ICE1: variants seen among roughly 807,000 people sequenced by gnomAD.
ICE1 encodes the protein little elongation complex subunit 1.
A neutral mutation model predicts 192.7 loss-of-function variants in ICE1; 64 were observed. The ratio of observed to expected loss-of-function variants is 0.33; its 90% CI spans 0.27 to 0.41. The LOEUF is 0.41. ICE1 is among the 10% of genes least tolerant of loss of function. The probability of loss-of-function intolerance (pLI) is 1.00; values close to 1 mark genes in which losing one functional copy is unlikely to be tolerated. For missense variants in ICE1, 2,708 were observed against 2,696.0 expected, an observed-to-expected ratio of 1.00 and a Z score of -0.10; for synonymous variants, 1,010 against 984.5, an observed-to-expected ratio of 1.03 and a Z score of -0.49.
chr5:5,442,110 G>A lies in ICE1; in HGVS notation c.309+887G>A, dbSNP rs574287005. ...AGTAAAACAGTTTGTTTAAAATGCT[G>A]TAAACTCCCTTTTCTATGTAAATTG... On this transcript the variant is annotated intron_variant, in intron 5 of 18. Transcript: ENST00000296564. 1.1e-4 allele frequency among the ~76,000 whole-genome samples: 17 copies of A among 152,290 alleles called. No individual in the cohort carries two copies. In the South Asian group the frequency reaches 3.5e-3, roughly 32 times the overall value.
Position 5,460,516 on chromosome 5 carries a change from A to T in ICE1, c.1182A>T (p.Glu394Asp). Residue 394 changes from glutamate to aspartate, a missense_variant, in exon 13 of 19, where the codon GAA becomes GAT. By Grantham distance (45) the Glu-to-Asp change is conservative. Transcript: ENST00000296564. Reference sequence around the variant, plus strand: ...GAAATTCTGCTGAGTGTGTTTCAGAAGATGATACAACTGAATCACAGAATT... The same window carrying T: ...GAAATTCTGCTGAGTGTGTTTCAGATGATGATACAACTGAATCACAGAATT... ...QLRNSAECVS[E>D]DDTTESQNYF... 1 of 1,612,050 alleles carries T rather than the reference A, an allele frequency of 6.2e-7. No homozygotes were observed. Among genetic ancestry groups the T allele is most frequent in the African/African-American group, 1.3e-5 (1 of 75,042 alleles).
rs560819906 is a variant in ICE1 at position 5,447,457 on chromosome 5, A to G, written c.455A>G (p.Lys152Arg). Residue 152 changes from lysine (K) to arginine (R), a missense_variant, in exon 8 of 19, where the codon AAG becomes AGG. Lys to Arg is a conservative substitution (Grantham distance 26). Around this residue, in one of 2 missense-constraint regions of ICE1, gnomAD observed 2,366 missense variants for 2,276.6 expected, o/e 1.04. Transcript: ENST00000296564. ...GCTGTCAAGCAAACTCAGGACTTCA[A>G]GCAACTGAGAAATGAAAAGAAAATA... is the stretch of plus-strand genomic sequence containing the variant. ...EAAVKQTQDF[K>R]QLRNEKKILE... 60 of 1,552,962 alleles carry G rather than the reference A, an allele frequency of 3.9e-5. No homozygotes were observed. The East Asian group carries it at 1.3e-3, about 33-fold the overall frequency.
chr5:5,454,907 A>G (rs1322340426), intron 11 of ICE1, among the ~76,000 whole-genome samples: 1 of 152,114 alleles, frequency 6.6e-6, no homozygotes, highest in African/African-American at 2.4e-5. Flanking sequence ...GAGAGGGGAT[A>G]CTTGAAGGAT....
chr5:5,461,958 T>C lies in ICE1; in HGVS notation c.2624T>C (p.Leu875Ser), dbSNP rs771754894. 2 of 1,613,794 alleles carry C rather than the reference T, an allele frequency of 1.2e-6. No individual in the cohort carries two copies. Among genetic ancestry groups the C allele is most frequent in the Non-Finnish European group, 1.7e-6 (2 of 1,179,890 alleles). Residue 875 changes from leucine (L) to serine (S), a missense_variant, in exon 13 of 19, where the codon TTG (leucine) becomes TCG (serine). Around this residue, in one of 2 missense-constraint regions of ICE1, gnomAD observed 2,366 missense variants for 2,276.6 expected, o/e 1.04. Transcript: ENST00000296564. ...CCTGAAAAGGTTCAGAGTGCCAAAT[T>C]GGAACACTTGAGGCCACATAGGGTT... ...TRPEKVQSAK[L>S]EHLRPHRVEP... is the part of the protein sequence containing the mutation.
At chr5:5,448,604 A>G (rs1738317579) in intron 10 of ICE1, among the ~76,000 whole-genome samples, 2 of 152,136 alleles carry the variant, frequency 1.3e-5, no homozygotes, top group South Asian at 4.1e-4. Context: ...TTTTGTGGGG[A>G]TGCATTTAAA....
chr5:5,463,232 A>G lies in ICE1; in HGVS notation c.3898A>G (p.Lys1300Glu), dbSNP rs1054240250. 2 of 1,612,290 alleles carry G rather than the reference A, an allele frequency of 1.2e-6. No homozygotes were observed. The highest frequency in any genetic ancestry group is 1.7e-6 in the Non-Finnish European group (2 of 1,179,340). Residue 1300 changes from lysine to glutamate, a missense_variant, in exon 13 of 19, where the codon AAA (lysine) becomes GAA (glutamate). Around this residue, in one of 2 missense-constraint regions of ICE1, gnomAD observed 2,366 missense variants for 2,276.6 expected, o/e 1.04. Coordinates refer to ENST00000296564, the MANE Select transcript of ICE1 (RefSeq NM_015325.3). ...TAACAACATGACCACTGAGAATTTA[A>G]AAGAGAAAAGTCCATTTCGGGAAAC... ...VNNNMTTENL[K>E]EKSPFRETTG... is the part of the protein sequence containing the mutation.
chr5:5,464,168 A>T lies in ICE1; in HGVS notation c.4834A>T (p.Thr1612Ser), dbSNP rs961341814. ...QTILANADTS[T>S]PTDCSPDTLS... ...CATTTTAGCAAATGCTGATACATCC[A>T]CTCCTACAGATTGTTCTCCTGACAC... Residue 1612 changes from threonine (T) to serine (S), a missense_variant, in exon 13 of 19, where the codon ACT (threonine) becomes TCT (serine). By Grantham distance (58) the Thr-to-Ser change is moderately conservative. Coordinates refer to ENST00000296564, the MANE Select transcript of ICE1 (RefSeq NM_015325.3). The surrounding 1 kb of genome is among the most constrained non-coding windows in gnomAD (Gnocchi z 4.0). The T allele has an allele frequency of 1.2e-6, 2 of 1,613,204 alleles. No individual in the cohort carries two copies. Among genetic ancestry groups the T allele is most frequent in the South Asian group, 2.2e-5 (2 of 91,056 alleles).
At chr5:5,459,985 G>A (rs961653222) in intron 12 of ICE1, among the ~76,000 whole-genome samples, 8 of 152,228 alleles carry the variant, frequency 5.3e-5, no homozygotes, top group Middle Eastern at 6.8e-3. Flanking sequence ...ACAAGACAGC[G>A]TCCCTCCCCC....
rs552482144 is a variant in ICE1, at chr5:5,447,618, A to G, written c.508-103A>G. ...GAGTCAACATGAGGCCCCCTGGCAA[A>G]AACAGTCCCAGCTGCCTGTTAAGTT... On this transcript the variant is annotated intron_variant, in intron 8 of 18. Transcript: ENST00000296564. 3.1e-5 allele frequency: 43 copies of G among 1,372,214 alleles called. No homozygotes were observed. In the African/African-American group the frequency reaches 5.5e-4, roughly 18 times the overall value. The allele number at this position is 1,372,214 out of a possible 1,614,324, so 85.0% of individuals were successfully genotyped here.
intron 12 of ICE1, 61 bp from the exon 13 acceptor site, chr5:5,460,375 A>C (rs1738730696): frequency 9.7e-7 from 1 of 1,026,256 alleles, no homozygotes; most frequent in East Asian, 2.6e-5. Flanking sequence ...AATGCATTTA[A>C]TTGATAGTCA....
chr5:5,450,599 G>A (rs1440815491), intron 10 of ICE1, among the ~76,000 whole-genome samples: 1 of 152,148 alleles, frequency 6.6e-6, no homozygotes, highest in Non-Finnish European at 1.5e-5. Context: ...CGTGATTTTT[G>A]TGTACAGTCT....
intron 17 of ICE1, among the ~76,000 whole-genome samples, chr5:5,482,632 C>T (rs1418982821): frequency 2.0e-5 from 3 of 152,128 alleles, no homozygotes; most frequent in Non-Finnish European, 2.9e-5. Flanking sequence ...TGGCACTATA[C>T]GCAGGAGATG....
chr5:5,434,593 A>G (rs1737816935), intron 1 of ICE1, among the ~76,000 whole-genome samples: 1 of 152,234 alleles, frequency 6.6e-6, no homozygotes, highest in African/African-American at 2.4e-5. Flanking sequence ...AATATAGCAA[A>G]AACAGCAACA....
In ICE1 at chr5:5,460,746, T is replaced by C; in HGVS notation, c.1412T>C (p.Met471Thr). 2 of 1,613,996 alleles carry C rather than the reference T, an allele frequency of 1.2e-6. No individual in the cohort carries two copies. The highest frequency in any genetic ancestry group is 1.7e-6 in the Non-Finnish European group (2 of 1,179,896). ...EKHWTTASRS[M>T]SDRKRDILHE... ...CACTGGACCACAGCATCTCGATCCA[T>C]GAGTGATAGAAAAAGAGACATTTTA... The change falls in exon 13 of 19, where the codon ATG (methionine) becomes ACG (threonine). Residue 471 changes from methionine (M) to threonine (T), a missense_variant. Physicochemically the swap from Met to Thr is moderately conservative, Grantham distance 81. This residue lies in a region of ICE1 where 2,366 missense variants were observed against 2,276.6 expected (regional missense o/e 1.04). Coordinates refer to ENST00000296564, the MANE Select transcript of ICE1 (RefSeq NM_015325.3).
Position 5,457,375 on chromosome 5 carries a change from A to C in ICE1, c.735A>C (p.Glu245Asp). Residue 245 changes from glutamate (E) to aspartate (D), a missense_variant, in exon 12 of 19, where the codon GAA becomes GAC. This residue lies in a region of ICE1 where 2,366 missense variants were observed against 2,276.6 expected (regional missense o/e 1.04). Transcript: ENST00000296564. ...TCACCAGCTCCAGAGTGCCTGGGGA[A>C]GATGGTACGCTACCTCCAACACAGG... The part of the protein sequence containing the change: ...KAITSSRVPG[E>D]DGTLPPTQGS... The C allele has an allele frequency of 6.2e-7, 1 of 1,613,564 alleles. No individual in the cohort carries two copies. The highest frequency in any genetic ancestry group is 8.5e-7 in the Non-Finnish European group (1 of 1,179,714).
intron 1 of ICE1, among the ~76,000 whole-genome samples, chr5:5,425,530 G>A (rs915153947): frequency 3.3e-5 from 5 of 152,216 alleles, no homozygotes; most frequent in Non-Finnish European, 7.3e-5. Flanking sequence ...ATTTTCTGTG[G>A]CCTGGAATTG....
chr5:5,457,812 A>C, intron 12 of ICE1, 71 bp downstream of exon 12: 1 of 1,371,800 alleles, frequency 7.3e-7, no homozygotes, highest in Non-Finnish European at 1.0e-6. Flanking sequence ...CTTGATGCTC[A>C]AAGGATATTA....
chr5:5,454,921 G>C (rs985749983), intron 11 of ICE1, among the ~76,000 whole-genome samples: 1 of 152,150 alleles, frequency 6.6e-6, no homozygotes, highest in Admixed American at 6.5e-5. Context: ...GAAGGATGCA[G>C]TTTCTTCTGA....
chr5:5,435,108 A>G (rs930370094), intron 1 of ICE1, among the ~76,000 whole-genome samples: 3 of 152,310 alleles, frequency 2.0e-5, no homozygotes, highest in South Asian at 2.1e-4. Flanking sequence ...TAAAGACTGG[A>G]AAAGGACCTA....
Sources: allele counts gnomAD v4.1 joint callset (sites outside exome capture counted in the v4.1 genomes callset), GRCh38; gene constraint gnomAD v4.1.1; regional missense constraint gnomAD v4.1.1; non-coding constraint Gnocchi (gnomAD v3.1); transcripts MANE v1.5; gene names NCBI Gene and HGNC (gene_info 2026-07-23, HGNC 2026-07-21).